PTRH1: variants seen among roughly 807,000 people sequenced by gnomAD.
The protein encoded by PTRH1 is peptidyl-tRNA hydrolase.
In PTRH1, 13 loss-of-function variants were observed where a neutral mutation model predicts 15.7. The ratio of observed to expected loss-of-function variants is 0.83; its 90% CI spans 0.54 to 1.31. PTRH1 has a LOEUF of 1.31. PTRH1 is among the 40% of genes most tolerant of loss of function. The pLI, the probability that PTRH1 is intolerant of heterozygous loss-of-function variation, is 0.00. For missense variants in PTRH1, 319 were observed against 296.2 expected, an observed-to-expected ratio of 1.08 and a Z score of -0.56; for synonymous variants, 139 against 136.7, an observed-to-expected ratio of 1.02 and a Z score of -0.12.
At chr9:127,706,371 C>T (rs183796664) in intron 1 of PTRH1, among the ~76,000 whole-genome samples, 73 of 152,350 alleles carry the variant, frequency 4.8e-4, no homozygotes, top group Middle Eastern at 3.4e-3. Context: ...TGCCATTCCC[C>T]TTGGCTATTG....
downstream of PTRH1, chr9:127,709,666 C>T (rs1177589244): frequency 6.2e-7 from 1 of 1,613,674 alleles, no homozygotes. This position sits in a 1 kb window ranked among gnomAD's most constrained non-coding sequence, Gnocchi z 4.7. Flanking sequence ...GACCAAGGAC[C>T]AGCTCACCAC....
downstream of PTRH1, chr9:127,709,720 T>G: frequency 6.2e-7 from 1 of 1,603,722 alleles, no homozygotes; most frequent in Non-Finnish European, 8.5e-7. The surrounding 1 kb of genome is among the most constrained non-coding windows in gnomAD (Gnocchi z 4.7). Flanking sequence ...CTGGTGAGCC[T>G]GCAGGCACAC....
exon 2 of PTRH1, chr9:127,695,095 GTGA>G (rs1223292266): frequency 2.3e-5 from 11 of 470,912 alleles, no homozygotes; most frequent in Middle Eastern, 4.5e-4. Context: ...GATGATGATG[GTGA>G]TGATGATGAT....
intron 1 of PTRH1, among the ~76,000 whole-genome samples, chr9:127,702,319 G>C (rs1362687833): frequency 6.7e-6 from 1 of 149,808 alleles, no homozygotes; most frequent in African/African-American, 2.5e-5. Context: ...CTTGCAGTGA[G>C]CCAAGATCGC....
intron 1 of PTRH1, chr9:127,695,276 G>A (rs1842549419): frequency 1.7e-6 from 1 of 596,070 alleles, no homozygotes; most frequent in Non-Finnish European, 3.0e-6. Context: ...AGTTGCATAT[G>A]TCAACATGAA....
chr9:127,715,442 G>A lies in PTRH1; in HGVS notation c.96+102C>T, dbSNP rs1213252822. ...GTCGAGCACTGAACTCACCAGTTAA[G>A]AAAACAGAGCAGCAATTTGGGGGCA... On this transcript the variant is annotated intron_variant, in intron 1 of 4. Transcript: ENST00000543175. This position sits in a 1 kb window ranked among gnomAD's most constrained non-coding sequence, Gnocchi z 5.8. 2.0e-6 allele frequency: 3 copies of A among 1,528,844 alleles called. No homozygotes were observed. The highest frequency in any genetic ancestry group is 2.7e-6 in the Non-Finnish European group (3 of 1,118,148). 94.7% of individuals were successfully genotyped at this position (1,528,844 alleles called of 1,614,324 possible). A position where few individuals can be genotyped will look rare whatever the true frequency, so the allele number is the denominator to read the frequency against.
At chr9:127,710,970 G>C (rs1430920627), downstream of PTRH1, among the ~76,000 whole-genome samples, 1 of 152,162 alleles carries the variant, frequency 6.6e-6, no homozygotes, top group African/African-American at 2.4e-5. Context: ...GCTGGCATTG[G>C]AGACTCCCAG....
At chr9:127,698,923 T>G (rs1303270489) in intron 1 of PTRH1, among the ~76,000 whole-genome samples, 1 of 151,186 alleles carries the variant, frequency 6.6e-6, no homozygotes, top group East Asian at 1.9e-4. Context: ...TTTTTTTTTT[T>G]TTTGAGACGG....
downstream of PTRH1, chr9:127,709,728 C>T (rs1488592469): frequency 6.3e-7 from 1 of 1,598,478 alleles, no homozygotes. This position sits in a 1 kb window ranked among gnomAD's most constrained non-coding sequence, Gnocchi z 4.7. Flanking sequence ...CCTGCAGGCA[C>T]ACATCCCAGC....
intron 1 of PTRH1, chr9:127,706,843 T>C: frequency 4.9e-6 from 3 of 614,322 alleles, no homozygotes; most frequent in East Asian, 6.0e-5. Flanking sequence ...GGCCTGGGAC[T>C]CCTGGGCCTG....
rs1842829747 is a variant in PTRH1, at chr9:127,713,891, C to T, written c.*209G>A. On this transcript the variant is annotated 3_prime_UTR_variant, in exon 5 of 5. Coordinates refer to ENST00000543175, the MANE Select transcript of PTRH1 (RefSeq NM_001002913.3). Reference sequence around the variant, plus strand: ...AAAGTTTAGTCTTCCTGAAGTTCCCCTACGTCCCAAGTAGGACACAGAGAG... The same window carrying T: ...AAAGTTTAGTCTTCCTGAAGTTCCCTTACGTCCCAAGTAGGACACAGAGAG... The T allele has an allele frequency of 1.2e-6, 2 of 1,613,792 alleles. No homozygotes were observed. The highest frequency in any genetic ancestry group is 1.7e-6 in the Non-Finnish European group (2 of 1,179,954).
downstream of PTRH1, chr9:127,711,195 G>C (rs771099725): frequency 1.2e-6 from 2 of 1,606,344 alleles, no homozygotes; most frequent in Non-Finnish European, 1.7e-6. Flanking sequence ...TGCCCGCTCT[G>C]TCTGACCCCT....
intron 1 of PTRH1, among the ~76,000 whole-genome samples, chr9:127,708,640 G>T (rs1564364788): frequency 6.6e-6 from 1 of 152,146 alleles, no homozygotes; most frequent in South Asian, 2.1e-4. Flanking sequence ...TATATTCAAG[G>T]CAAATGTATT....
Position 127,714,010 on chromosome 9 carries a change from A to AAAGT in PTRH1, c.*86_*89dup. On this transcript the variant is annotated 3_prime_UTR_variant, in exon 5 of 5. Transcript: ENST00000543175. ...AACAGTCTAGAGGAGATTTGTATAA[A>AAAGT]AAGTAGATACCAAGGCTGGCGTGGC... The AAAGT allele has an allele frequency of 1.9e-6, 3 of 1,583,886 alleles. No individual in the cohort carries two copies. Among genetic ancestry groups the AAAGT allele is most frequent in the Non-Finnish European group, 2.6e-6 (3 of 1,154,516 alleles).
At chr9:127,702,688 C>T (rs1277153920) in intron 1 of PTRH1, among the ~76,000 whole-genome samples, 1 of 151,958 alleles carries the variant, frequency 6.6e-6, no homozygotes, top group African/African-American at 2.4e-5. Context: ...TTGTGACATG[C>T]TTTGCCAACG....
At chr9:127,713,235 C>G, downstream of PTRH1, 5 of 1,496,616 alleles carry the variant, frequency 3.3e-6, no homozygotes, top group Non-Finnish European at 3.6e-6. Flanking sequence ...CCAGGGAAAG[C>G]AAGGTGGCAG....
At chr9:127,713,584 G>A (rs1842821646), downstream of PTRH1, 2 of 342,786 alleles carry the variant, frequency 5.8e-6, no homozygotes, top group South Asian at 2.7e-5. Flanking sequence ...TCAGCTCACA[G>A]CAACCTCCGC....
chr9:127,701,988 G>A (rs923738689), intron 1 of PTRH1, among the ~76,000 whole-genome samples: 25 of 152,130 alleles, frequency 1.6e-4, no homozygotes, highest in Admixed American at 4.6e-4. Context: ...TTGAGAGGCC[G>A]AAGCAGGAGG....
downstream of PTRH1, chr9:127,709,525 C>T (rs368112775): frequency 1.2e-5 from 19 of 1,613,992 alleles, no homozygotes; most frequent in East Asian, 2.2e-5. This position sits in a 1 kb window ranked among gnomAD's most constrained non-coding sequence, Gnocchi z 4.7. Flanking sequence ...CTTCCTCAAG[C>T]GCACGCTCAA....
Sources: allele counts gnomAD v4.1 joint callset (sites outside exome capture counted in the v4.1 genomes callset), GRCh38; gene constraint gnomAD v4.1.1; non-coding constraint Gnocchi (gnomAD v3.1); transcripts MANE v1.5; gene names NCBI Gene and HGNC (gene_info 2026-07-23, HGNC 2026-07-21).